The following COL24A1 variants were observed in gnomAD, a reference collection of about 807,000 sequenced individuals.
The protein encoded by COL24A1 is collagen type XXIV alpha 1 chain, also known as collagen alpha-1(XXIV) chain.
A neutral mutation model predicts 253.9 loss-of-function variants in COL24A1; 224 were observed. The observed-to-expected ratio is 0.88, with a 90% confidence interval of 0.79 to 0.99. COL24A1 has a LOEUF of 0.99. Ranked by LOEUF, COL24A1 falls within the 50% of genes least tolerant of loss-of-function variation. COL24A1 has a pLI of 0.00. For missense variants in COL24A1, 2,131 were observed against 2,068.5 expected (o/e 1.03, Z -0.59); for synonymous variants, 685 against 673.7 (o/e 1.02, Z -0.26).
chr1:85,852,925 C>T lies in COL24A1; in HGVS notation c.3301-3519G>A, dbSNP rs563147981. On this transcript the variant is annotated intron_variant, in intron 37 of 59. Transcript: ENST00000370571. The stretch of plus-strand genomic sequence containing the variant: ...TCAGCCTCTCGAGTTACTGGAAGTA[C>T]AGGCGCATGCCACAGTAACCACAGT... Among the ~76,000 whole-genome samples the T allele has an allele frequency of 2.6e-5, 4 of 152,324 alleles. No homozygotes were observed. The South Asian group carries it at 8.3e-4, about 32-fold the overall frequency.
At chr1:86,032,006 T>C (rs980072079) in intron 13 of COL24A1, 84 bp from the exon 14 acceptor site, 3 of 1,056,474 alleles carry the variant, frequency 2.8e-6, no homozygotes, top group African/African-American at 3.2e-5. Flanking sequence ...CAAAACTTTC[T>C]AGCTAAGAAT....
intron 31 of COL24A1, among the ~76,000 whole-genome samples, chr1:85,893,970 T>G (rs1683393330): frequency 6.6e-6 from 1 of 152,034 alleles, no homozygotes; most frequent in Admixed American, 6.6e-5. Flanking sequence ...AGTTATATGG[T>G]TTTTAGGAGC....
chr1:85,834,819 C>G (rs757706011), intron 43 of COL24A1, among the ~76,000 whole-genome samples: 11 of 152,064 alleles, frequency 7.2e-5, no homozygotes, highest in Non-Finnish European at 1.3e-4. Flanking sequence ...GGCTCTCAAG[C>G]GTCAAATAAA....
At chr1:85,874,271 C>A (rs1680884409) in intron 35 of COL24A1, among the ~76,000 whole-genome samples, 1 of 151,978 alleles carries the variant, frequency 6.6e-6, no homozygotes, top group Non-Finnish European at 1.5e-5. Context: ...TTTTTTAGAG[C>A]AAGTTAAATC....
chr1:86,156,273 A>C lies in COL24A1; in HGVS notation c.56+68T>G, dbSNP rs548867456. 164 of 1,480,090 alleles carry C rather than the reference A, an allele frequency of 1.1e-4. No homozygotes were observed. In the East Asian group the frequency reaches 3.7e-3, roughly 34 times the overall value. 91.7% of individuals were successfully genotyped at this position (1,480,090 alleles called of 1,614,324 possible). A position where few individuals can be genotyped will look rare whatever the true frequency, so the allele number is the denominator to read the frequency against. On this transcript the variant is annotated intron_variant, in intron 1 of 59. Coordinates refer to ENST00000370571, the MANE Select transcript of COL24A1 (RefSeq NM_152890.7). ...CGGACTTCAGATCTCCATCAGGCTC[A>C]GCAGAACCAGGGGGTGGAGAGAGGG...
intron 25 of COL24A1, among the ~76,000 whole-genome samples, chr1:85,910,653 T>C (rs1685277759): frequency 6.6e-6 from 1 of 151,928 alleles, no homozygotes. Context: ...TAGTAAAAAA[T>C]CAATAAGTAT....
chr1:86,058,673 A>T (rs951572149), intron 9 of COL24A1, among the ~76,000 whole-genome samples: 2 of 151,918 alleles, frequency 1.3e-5, no homozygotes, highest in African/African-American at 4.8e-5. Context: ...GCATTTTAAA[A>T]ATAGTATACA....
At chr1:85,873,433 C>A (rs1305674193) in intron 35 of COL24A1, among the ~76,000 whole-genome samples, 1 of 152,098 alleles carries the variant, frequency 6.6e-6, no homozygotes, top group Non-Finnish European at 1.5e-5. Flanking sequence ...GACTTGGAAC[C>A]AACCCAAATG....
At chr1:86,114,212 C>T (rs12024954) in intron 4 of COL24A1, among the ~76,000 whole-genome samples, 26,072 of 152,062 alleles carry the variant, frequency 0.17, 2,348 homozygotes, top group South Asian at 0.25. Flanking sequence ...AGTAAAATAA[C>T]TAGCCTTGAG....
chr1:85,958,447 G>A (rs1054251034), intron 24 of COL24A1, among the ~76,000 whole-genome samples: 2 of 151,982 alleles, frequency 1.3e-5, no homozygotes, highest in African/African-American at 4.8e-5. Flanking sequence ...CCAATAGACT[G>A]TAAATTCCAT....
At chr1:85,742,979 C>T (rs1194254012) in intron 57 of COL24A1, among the ~76,000 whole-genome samples, 1 of 152,108 alleles carries the variant, frequency 6.6e-6, no homozygotes, top group Non-Finnish European at 1.5e-5. Flanking sequence ...TCTAGTCCAA[C>T]CAACCATCAT....
intron 47 of COL24A1, among the ~76,000 whole-genome samples, chr1:85,802,781 A>G (rs1306873166): frequency 6.6e-6 from 1 of 152,154 alleles, no homozygotes. Context: ...TTAGCTTTTT[A>G]TCATTACAGA....
intron 58 of COL24A1, among the ~76,000 whole-genome samples, chr1:85,735,687 G>A (rs533167298): frequency 6.6e-6 from 1 of 152,078 alleles, no homozygotes; most frequent in South Asian, 2.1e-4. Flanking sequence ...TCAGACTTAA[G>A]AAGACTGACT....
intron 55 of COL24A1, among the ~76,000 whole-genome samples, chr1:85,745,740 G>A (rs1665144089): frequency 6.6e-6 from 1 of 152,100 alleles, no homozygotes; most frequent in African/African-American, 2.4e-5. Flanking sequence ...TAGGACCAGA[G>A]TCTACAGTCC....
chr1:85,833,521 C>A (rs1383475943), intron 43 of COL24A1, among the ~76,000 whole-genome samples: 4 of 152,176 alleles, frequency 2.6e-5, no homozygotes, highest in South Asian at 2.1e-4. Flanking sequence ...GTTGGTGGGA[C>A]TGTAAACTAG....
intron 11 of COL24A1, among the ~76,000 whole-genome samples, chr1:86,049,471 T>C (rs1264564973): frequency 6.6e-6 from 1 of 152,190 alleles, no homozygotes; most frequent in African/African-American, 2.4e-5. Context: ...AATTTCAAAT[T>C]CTATGACAAT....
intron 24 of COL24A1, among the ~76,000 whole-genome samples, chr1:85,919,356 A>T (rs1014547180): frequency 3.3e-5 from 5 of 152,120 alleles, no homozygotes; most frequent in African/African-American, 1.2e-4. Flanking sequence ...AGTGCTAATG[A>T]CCCTAAGAGA....
chr1:86,019,508 TGATG>T (rs1290551173), intron 18 of COL24A1, among the ~76,000 whole-genome samples: 1 of 151,926 alleles, frequency 6.6e-6, no homozygotes, highest in Non-Finnish European at 1.5e-5. Flanking sequence ...CAGTGAGCTG[TGATG>T]GCACCATTAC....
At chr1:86,149,203 G>A (rs557584420) in intron 1 of COL24A1, among the ~76,000 whole-genome samples, 1 of 152,044 alleles carries the variant, frequency 6.6e-6, no homozygotes, top group African/African-American at 2.4e-5. Flanking sequence ...CCCACCTGGG[G>A]AGTTTTAAAA....
Sources: gnomAD v4.1 joint callset for allele counts (sites outside exome capture counted in the v4.1 genomes callset) on GRCh38, gnomAD v4.1.1 for gene constraint, MANE v1.5 for transcripts, NCBI Gene and HGNC (gene_info 2026-07-23, HGNC 2026-07-21) for gene names.